The following NUCB1 variants were observed in gnomAD, a reference collection of about 807,000 sequenced individuals.
The protein encoded by NUCB1 is nucleobindin 1.
Under a neutral mutation model 61.2 loss-of-function variants are expected in NUCB1, and 47 were observed. The observed-to-expected ratio is 0.77, with a 90% CI of 0.61 to 0.98. The LOEUF is 0.98. NUCB1 is among the 50% of genes least tolerant of loss of function. NUCB1 has a pLI of 0.00. For synonymous variants in NUCB1, 234 were observed against 243.1 expected (o/e 0.96, Z 0.35); for missense variants, 583 against 605.3 (o/e 0.96, Z 0.39).
intron 4 of NUCB1, among the ~76,000 whole-genome samples, chr19:48,910,574 C>A (rs746455274): frequency 6.6e-6 from 1 of 151,718 alleles, no homozygotes; most frequent in Non-Finnish European, 1.5e-5. Context: ...CACCTGTAGT[C>A]CCAGTTACTC....
At chr19:48,922,200 G>A in intron 12 of NUCB1, 118 bp from the exon 13 acceptor site, 3 of 836,766 alleles carry the variant, frequency 3.6e-6, no homozygotes, top group Non-Finnish European at 5.9e-6. Context: ...TGGGTGTGAG[G>A]GAGGAGGGGC....
At chr19:48,921,509 CAT>C (rs1299885333) in intron 11 of NUCB1, among the ~76,000 whole-genome samples, 185 bp downstream of exon 11, 1 of 152,102 alleles carries the variant, frequency 6.6e-6, no homozygotes, top group African/African-American at 2.4e-5. Context: ...CTGTGGCTGC[CAT>C]GTGAGATAAG....
intron 4 of NUCB1, among the ~76,000 whole-genome samples, chr19:48,906,403 CAA>C (rs550726351): frequency 1.4e-4 from 16 of 115,850 alleles, no homozygotes; most frequent in Non-Finnish European, 1.7e-4. Context: ...AACTCTGACT[CAA>C]AAAAAAAAAA....
At chr19:48,911,032 A>C (rs2037465648) in intron 4 of NUCB1, 117 bp from the exon 5 acceptor site, 1 of 687,400 alleles carries the variant, frequency 1.5e-6, no homozygotes, top group African/African-American at 1.8e-5. Flanking sequence ...CCCCAGGTTC[A>C]AGCTGTCTTC....
At chr19:48,911,717 G>GATACCCACCGTAATCTAGCAGGCC (rs1237871616) in intron 5 of NUCB1, among the ~76,000 whole-genome samples, 2 of 151,772 alleles carry the variant, frequency 1.3e-5, no homozygotes, top group Non-Finnish European at 2.9e-5. Context: ...TTCTTATAGT[G>GATACCCACCGTAATCTAGCAGGCC]ATACCCACCG....
In NUCB1 at chr19:48,921,947, C is replaced by A; in HGVS notation, c.1279+15C>A. The A allele has an allele frequency of 6.4e-7, 1 of 1,567,542 alleles. No homozygotes were observed. The highest frequency in any genetic ancestry group is 8.7e-7 in the Non-Finnish European group (1 of 1,153,700). On this transcript the variant is annotated intron_variant, in intron 12 of 12. Transcript: ENST00000405315. Reference sequence around the variant, plus strand: ...CCCAGACACAGGTGCTGGCCCTAGTCCAGGGAGGAGGGGCTGCAGGGCTGG... The same window carrying A: ...CCCAGACACAGGTGCTGGCCCTAGTACAGGGAGGAGGGGCTGCAGGGCTGG...
chr19:48,920,506 T>C (rs187159300), intron 10 of NUCB1, among the ~76,000 whole-genome samples: 1 of 151,872 alleles, frequency 6.6e-6, no homozygotes, highest in Non-Finnish European at 1.5e-5. Flanking sequence ...TAGGTCTCTG[T>C]TTTATTTATT....
intron 12 of NUCB1, 111 bp downstream of exon 12, chr19:48,922,043 A>G (rs531893411): frequency 2.3e-6 from 2 of 856,712 alleles, no homozygotes; most frequent in East Asian, 5.4e-5. Context: ...CTGGGGGCCC[A>G]GACTCCCAGA....
intron 10 of NUCB1, 46 bp from the exon 11 acceptor site, chr19:48,921,108 C>A: frequency 6.4e-7 from 1 of 1,551,520 alleles, no homozygotes; most frequent in Non-Finnish European, 8.7e-7. Context: ...ATGGGTGGGC[C>A]GAGGTTGGAC....
intron 5 of NUCB1, among the ~76,000 whole-genome samples, 184 bp downstream of exon 5, chr19:48,911,436 G>T (rs1318249683): frequency 7.4e-6 from 1 of 134,344 alleles, no homozygotes; most frequent in Non-Finnish European, 1.6e-5. Flanking sequence ...ACGAAATCTC[G>T]CTGTTTTCCC....
intron 5 of NUCB1, 49 bp downstream of exon 5, chr19:48,911,301 A>AG (rs2037469354): frequency 7.8e-7 from 1 of 1,289,958 alleles, no homozygotes; most frequent in Non-Finnish European, 1.1e-6. Flanking sequence ...GCTTTGCGGA[A>AG]GGGGAGAAGG....
chr19:48,903,827 C>T (rs1465558096), intron 2 of NUCB1, among the ~76,000 whole-genome samples: 18 of 54,482 alleles, frequency 3.3e-4, no homozygotes, highest in Admixed American at 1.2e-3. Flanking sequence ...GATGGATGGG[C>T]AGGTGGATGA....
intron 7 of NUCB1, among the ~76,000 whole-genome samples, chr19:48,914,024 G>A (rs1482044147): frequency 1.4e-5 from 2 of 147,932 alleles, no homozygotes; most frequent in Non-Finnish European, 3.0e-5. Context: ...CTGGAGTGCA[G>A]TGGCATGACC....
At chr19:48,901,444 G>A (rs1024286671) in intron 2 of NUCB1, among the ~76,000 whole-genome samples, 2 of 152,162 alleles carry the variant, frequency 1.3e-5, no homozygotes, top group Admixed American at 1.3e-4. Context: ...CTTGTGGTCC[G>A]AATCTTCCTA....
At chr19:48,907,130 A>G (rs758265266) in intron 4 of NUCB1, among the ~76,000 whole-genome samples, 61 of 151,450 alleles carry the variant, frequency 4.0e-4, no homozygotes, top group Admixed American at 8.6e-4. Flanking sequence ...GCCCGCCACC[A>G]TGCCCAGCTA....
chr19:48,912,967 TGGGCAGAGG>T (rs770292853), intron 5 of NUCB1, 35 bp from the exon 6 acceptor site: 59 of 1,492,336 alleles, frequency 4.0e-5, no homozygotes, highest in Admixed American at 1.0e-4. Context: ...AATTGGGGGC[TGGGCAGAGG>T]GGGCAGAGGG....
chr19:48,921,794 C>T lies in NUCB1; in HGVS notation c.1174-33C>T, dbSNP rs376222934. ...AGCACTTGCAATGCCAGCATCACAC[C>T]CTCTTGTCTGTGTGACCCCCCACCT... On this transcript the variant is annotated intron_variant, in intron 11 of 12. Coordinates refer to ENST00000405315, the MANE Select transcript of NUCB1 (RefSeq NM_006184.6). The T allele has an allele frequency of 1.4e-5, 22 of 1,590,318 alleles. No homozygotes were observed. The East Asian group carries it at 2.2e-4, about 16-fold the overall frequency.
At chr19:48,906,847 G>A (rs964677342) in intron 4 of NUCB1, among the ~76,000 whole-genome samples, 5 of 152,224 alleles carry the variant, frequency 3.3e-5, no homozygotes, top group East Asian at 1.9e-4. Context: ...TGTCACTCAC[G>A]TTTGGGACTT....
In NUCB1 at chr19:48,923,235, T is replaced by C. The variant is rs1308847056; in HGVS notation, c.*811T>C. On this transcript the variant is annotated 3_prime_UTR_variant, in exon 13 of 13. Coordinates refer to ENST00000405315, the MANE Select transcript of NUCB1 (RefSeq NM_006184.6). ...GCATCCTGCTGTGTGTCCTGTTCCA[T>C]GTTCCGGTTCCATCCAAATACACTT... The C allele has an allele frequency of 1.3e-5, 2 of 152,426 alleles. No individual in the cohort carries two copies. The highest frequency in any genetic ancestry group is 2.4e-5 in the African/African-American group (1 of 41,464). 9.4% of individuals were successfully genotyped at this position (152,426 alleles called of 1,614,324 possible). A position where few individuals can be genotyped will look rare whatever the true frequency, so the allele number is the denominator to read the frequency against.
Sources: allele counts gnomAD v4.1 joint callset (sites outside exome capture counted in the v4.1 genomes callset), GRCh38; gene constraint gnomAD v4.1.1; transcripts MANE v1.5; gene names NCBI Gene and HGNC (gene_info 2026-07-23, HGNC 2026-07-21).